The following GARRE1 variants were observed in gnomAD, a reference collection of about 807,000 sequenced individuals.
GARRE1 encodes granule associated Rac and RHOG effector protein 1.
In GARRE1, 49 loss-of-function variants were observed where a neutral mutation model predicts 103.2. The ratio of observed to expected loss-of-function variants is 0.47; its 90% CI spans 0.38 to 0.60. The LOEUF (loss-of-function observed/expected upper bound fraction) is 0.60. Ranked by LOEUF, GARRE1 falls within the 20% of genes least tolerant of loss-of-function variation. GARRE1 has a pLI of 0.00. For missense variants in GARRE1, 1,199 were observed against 1,370.5 expected, an observed-to-expected ratio of 0.87 and a Z score of 1.98; for synonymous variants, 505 against 532.8, an observed-to-expected ratio of 0.95 and a Z score of 0.72.
In GARRE1 at chr19:34,351,539, AC is replaced by A. The variant is rs1321238672; in HGVS notation, c.2853del (p.Ser952AlafsTer15). 1 of 1,614,064 alleles carries A rather than the reference AC, an allele frequency of 6.2e-7. No individual in the cohort carries two copies. The highest frequency in any genetic ancestry group is 8.5e-7 in the Non-Finnish European group (1 of 1,179,978). On this transcript the variant is annotated frameshift_variant, in exon 13 of 14. Coordinates refer to ENST00000299505, the MANE Select transcript of GARRE1 (RefSeq NM_014686.5). LOFTEE classifies it high-confidence loss of function. The part of the protein sequence containing the change: ...RRKHSSGEQD[T>X]STLPSPPLLT... ...GAAACACAGCAGTGGAGAGCAAGAC[AC>A]CAGCACGCTGCCCTCACCACCTCTC... is the stretch of plus-strand genomic sequence containing the variant.
intron 1 of GARRE1, among the ~76,000 whole-genome samples, chr19:34,277,866 T>C (rs2145219056): frequency 6.6e-6 from 1 of 150,424 alleles, no homozygotes; most frequent in South Asian, 2.1e-4. Context: ...AAAAAAACTA[T>C]ATAAACAGGA....
intron 2 of GARRE1, among the ~76,000 whole-genome samples, chr19:34,316,354 T>C (rs2074060474): frequency 6.6e-6 from 1 of 152,198 alleles, no homozygotes; most frequent in Admixed American, 6.5e-5. Context: ...GTTCTGCAAT[T>C]TGACTGAACC....
intron 2 of GARRE1, among the ~76,000 whole-genome samples, chr19:34,315,438 G>A (rs1417184300): frequency 6.6e-6 from 1 of 152,176 alleles, no homozygotes; most frequent in African/African-American, 2.4e-5. Flanking sequence ...TTGGCTGGGC[G>A]CAGTGGCTCA....
Position 34,328,056 on chromosome 19 carries a change from T to G in GARRE1, c.1009T>G (p.Cys337Gly). Residue 337 changes from cysteine (C) to glycine (G), a missense_variant, in exon 6 of 14, where the codon TGT (cysteine) becomes GGT (glycine). Physicochemically the swap from Cys to Gly is radical, Grantham distance 159. Transcript: ENST00000299505. ...RRQTPPQPMQ[C>G]ELPTVPVQIG... ...GCAGACACCCCCGCAGCCCATGCAG[T>G]GTGAGCTCCCCACCGTCCCTGTGCA... 1 of 1,614,142 alleles carries G rather than the reference T, an allele frequency of 6.2e-7. No homozygotes were observed. The highest frequency in any genetic ancestry group is 8.5e-7 in the Non-Finnish European group (1 of 1,180,016).
intron 8 of GARRE1, among the ~76,000 whole-genome samples, chr19:34,334,537 A>G (rs992297042): frequency 4.0e-5 from 6 of 151,882 alleles, no homozygotes; most frequent in Admixed American, 2.0e-4. Flanking sequence ...CATCTCTACT[A>G]AAAATACAAA....
chr19:34,347,381 C>T (rs902016891), intron 10 of GARRE1, among the ~76,000 whole-genome samples: 10 of 152,058 alleles, frequency 6.6e-5, no homozygotes, highest in South Asian at 2.1e-4. Flanking sequence ...TGAGCCACCG[C>T]GCCTGGCCCA....
chr19:34,294,518 C>T (rs188568898), intron 1 of GARRE1, among the ~76,000 whole-genome samples: 54 of 152,128 alleles, frequency 3.5e-4, no homozygotes, highest in African/African-American at 1.2e-3. Flanking sequence ...ATTTTCCTCA[C>T]ACTTTTTAAA....
rs1189300112 is a variant in GARRE1, at chr19:34,271,403, C to T, written c.-796+16789C>T. 2.0e-5 allele frequency among the ~76,000 whole-genome samples: 3 copies of T among 152,010 alleles called. No homozygotes were observed. The South Asian group carries it at 6.2e-4, about 32-fold the overall frequency. On this transcript the variant is annotated intron_variant, in intron 1 of 13. Transcript: ENST00000299505. ...AGCTGGGACTACAGGTGTGTGCCAC[C>T]ACACCCAACTAACTTTTTGTATTTT...
chr19:34,260,521 CA>C (rs61371860), intron 1 of GARRE1, among the ~76,000 whole-genome samples: 20,261 of 152,022 alleles, frequency 0.13, 1,988 homozygotes, highest in African/African-American at 0.27. Context: ...TTGGTAATAT[CA>C]TTTTTTTATT....
At chr19:34,292,909 C>T (rs1246540182) in intron 1 of GARRE1, among the ~76,000 whole-genome samples, 1 of 152,096 alleles carries the variant, frequency 6.6e-6, no homozygotes, top group Admixed American at 6.6e-5. Context: ...AGGGTTTTGC[C>T]ATGTTGCCAG....
In GARRE1 at chr19:34,328,022, G is replaced by A. The variant is rs753180321; in HGVS notation, c.975G>A (p.Thr325=). The A allele has an allele frequency of 5.6e-6, 9 of 1,614,068 alleles. No homozygotes were observed. The highest frequency in any genetic ancestry group is 5.0e-5 in the Admixed American group (3 of 60,008). The change falls in exon 6 of 14, where the codon ACG becomes ACA. Residue 325 remains threonine, a synonymous_variant. Transcript: ENST00000299505. Reference sequence around the variant, plus strand: ...GCAGCGAGGCGGAAGCCCAGCAGACGGGGCGGAGGCAGACACCCCCGCAGC... The same window carrying A: ...GCAGCGAGGCGGAAGCCCAGCAGACAGGGCGGAGGCAGACACCCCCGCAGC... The part of the protein sequence containing the change: ...GCCSEAEAQQ[T]GRRQTPPQPM...
intron 3 of GARRE1, among the ~76,000 whole-genome samples, chr19:34,326,531 A>G (rs941201009): frequency 2.0e-5 from 3 of 152,196 alleles, no homozygotes; most frequent in Non-Finnish European, 4.4e-5. Context: ...TCTACTCTTC[A>G]TAAACATATG....
intron 6 of GARRE1, 127 bp downstream of exon 6, chr19:34,328,278 G>A: frequency 1.9e-6 from 2 of 1,039,098 alleles, no homozygotes; most frequent in South Asian, 1.6e-5. Flanking sequence ...GCTCACGCCT[G>A]TAATCCTAGC....
chr19:34,262,532 G>C (rs1440392042), intron 1 of GARRE1, among the ~76,000 whole-genome samples: 1 of 152,002 alleles, frequency 6.6e-6, no homozygotes, highest in Non-Finnish European at 1.5e-5. Context: ...CTGACCTCAG[G>C]TGATCCGCCT....
chr19:34,273,365 G>T (rs2073799194), intron 1 of GARRE1, among the ~76,000 whole-genome samples: 1 of 152,124 alleles, frequency 6.6e-6, no homozygotes, highest in Non-Finnish European at 1.5e-5. Flanking sequence ...TTTCTTTGGG[G>T]AGTACTTATG....
intron 8 of GARRE1, among the ~76,000 whole-genome samples, chr19:34,335,385 T>G (rs1006344744): frequency 6.6e-6 from 1 of 152,230 alleles, no homozygotes; most frequent in African/African-American, 2.4e-5. Flanking sequence ...ATTAAAATGG[T>G]AATCTGCATG....
intron 7 of GARRE1, among the ~76,000 whole-genome samples, chr19:34,332,911 G>A (rs2074143893): frequency 1.3e-5 from 2 of 152,014 alleles, no homozygotes; most frequent in Admixed American, 1.3e-4. Flanking sequence ...ATTCAAAGAA[G>A]GGTTAGTTCT....
chr19:34,279,708 G>A (rs1317774666), intron 1 of GARRE1, among the ~76,000 whole-genome samples: 5 of 152,090 alleles, frequency 3.3e-5, no homozygotes, highest in Non-Finnish European at 5.9e-5. Flanking sequence ...TTAATTGGCC[G>A]GGCGCGGTGG....
chr19:34,301,213 C>T (rs1018722672), intron 2 of GARRE1, among the ~76,000 whole-genome samples: 5 of 152,100 alleles, frequency 3.3e-5, no homozygotes, highest in Non-Finnish European at 2.9e-5. Context: ...GCGGGAAGAT[C>T]GCTTGAGCTC....
Sources: allele counts gnomAD v4.1 joint callset (sites outside exome capture counted in the v4.1 genomes callset), GRCh38; gene constraint gnomAD v4.1.1; transcripts MANE v1.5; gene names NCBI Gene and HGNC (gene_info 2026-07-23, HGNC 2026-07-21).